BTF3L4: variants seen among roughly 807,000 people sequenced by gnomAD.
BTF3L4 encodes the protein transcription factor BTF3 homolog 4.
Under a neutral mutation model 16.8 loss-of-function variants are expected in BTF3L4, and 6 were observed. The observed-to-expected ratio is 0.36, with a 90% CI of 0.20 to 0.71. The LOEUF is 0.71. Ranked by LOEUF, BTF3L4 falls within the 30% of genes least tolerant of loss-of-function variation. The pLI, the probability that BTF3L4 is intolerant of heterozygous loss-of-function variation, is 0.58. For missense variants in BTF3L4, 92 were observed against 186.9 expected, an observed-to-expected ratio of 0.49 and a Z score of 2.96; for synonymous variants, 39 against 59.8, an observed-to-expected ratio of 0.65 and a Z score of 1.60.
intron 3 of BTF3L4, among the ~76,000 whole-genome samples, chr1:52,067,047 G>A (rs1249886096): frequency 6.6e-6 from 1 of 152,040 alleles, no homozygotes; most frequent in East Asian, 1.9e-4. Context: ...GACCAGCCTG[G>A]CCAACATGGT....
chr1:52,074,305 C>T (rs1380528474), intron 3 of BTF3L4, among the ~76,000 whole-genome samples: 3 of 151,860 alleles, frequency 2.0e-5, no homozygotes, highest in Non-Finnish European at 2.9e-5. Flanking sequence ...TCAAGCGATT[C>T]TCGTGCCTCA....
intron 3 of BTF3L4, among the ~76,000 whole-genome samples, chr1:52,082,158 A>G (rs1643929362): frequency 1.3e-5 from 2 of 152,216 alleles, no homozygotes; most frequent in Non-Finnish European, 2.9e-5. Flanking sequence ...TAACTTACAC[A>G]AATTCAACTC....
intron 3 of BTF3L4, among the ~76,000 whole-genome samples, chr1:52,071,721 G>A (rs1178068717): frequency 6.6e-6 from 1 of 152,134 alleles, no homozygotes; most frequent in East Asian, 1.9e-4. Flanking sequence ...TTCTGAACCA[G>A]TTGTACAGAA....
intron 3 of BTF3L4, among the ~76,000 whole-genome samples, chr1:52,081,613 A>C (rs918761524): frequency 1.7e-4 from 26 of 152,198 alleles, no homozygotes; most frequent in Admixed American, 2.0e-4. Flanking sequence ...CTTTTTAACA[A>C]AACTGTAATT....
intron 1 of BTF3L4, among the ~76,000 whole-genome samples, chr1:52,057,587 A>G (rs534315851): frequency 6.6e-6 from 1 of 152,362 alleles, no homozygotes; most frequent in South Asian, 2.1e-4. Context: ...GCAATAAAGT[A>G]GAGGTTGATT....
chr1:52,081,607 T>C (rs1643922998), intron 3 of BTF3L4, among the ~76,000 whole-genome samples: 1 of 152,232 alleles, frequency 6.6e-6, no homozygotes, highest in African/African-American at 2.4e-5. Context: ...ATTTAACTTT[T>C]TAACAAAACT....
At chr1:52,062,358 C>T (rs12126981) in intron 2 of BTF3L4, among the ~76,000 whole-genome samples, 82 of 151,804 alleles carry the variant, frequency 5.4e-4, no homozygotes, top group Non-Finnish European at 8.1e-4. Flanking sequence ...CGCGCCACCA[C>T]GCCTGGCTAA....
At chr1:52,084,328 A>G (rs1313698035) in intron 4 of BTF3L4, among the ~76,000 whole-genome samples, 1 of 152,050 alleles carries the variant, frequency 6.6e-6, no homozygotes, top group Non-Finnish European at 1.5e-5. Context: ...TTTTTAGTAT[A>G]CACAGGGTTT....
At chr1:52,059,004 A>G (rs1046798675) in intron 1 of BTF3L4, among the ~76,000 whole-genome samples, 3 of 152,192 alleles carry the variant, frequency 2.0e-5, no homozygotes, top group African/African-American at 7.2e-5. Flanking sequence ...GACTAGATTC[A>G]TGACTATAAT....
At chr1:52,064,746 T>C (rs1686603509) in intron 2 of BTF3L4, 79 bp from the exon 3 acceptor site, 1 of 734,698 alleles carries the variant, frequency 1.4e-6, no homozygotes, top group Non-Finnish European at 2.3e-6. Flanking sequence ...TTTTAGATTA[T>C]TGTGATACGT....
At chr1:52,062,804 G>A (rs971787661) in intron 2 of BTF3L4, among the ~76,000 whole-genome samples, 4 of 152,222 alleles carry the variant, frequency 2.6e-5, no homozygotes, top group Non-Finnish European at 4.4e-5. Flanking sequence ...GACTGGTTTC[G>A]TGGAAGACAG....
At chr1:52,062,402 A>C (rs189714225) in intron 2 of BTF3L4, among the ~76,000 whole-genome samples, 5 of 151,416 alleles carry the variant, frequency 3.3e-5, no homozygotes, top group African/African-American at 1.2e-4. Flanking sequence ...TGGTTTCACC[A>C]TGTTTGTCAG....
chr1:52,085,008 AAAAT>A (rs1362778446), intron 4 of BTF3L4, among the ~76,000 whole-genome samples: 1 of 143,260 alleles, frequency 7.0e-6, no homozygotes, highest in Non-Finnish European at 1.5e-5. Flanking sequence ...AGAAATGAAA[AAAAT>A]CTTTTTTTTT....
At position 52,087,139 on chromosome 1, in the gene BTF3L4, T is replaced by C. The variant is rs1558012177; in HGVS notation, c.*381T>C. On this transcript the variant is annotated 3_prime_UTR_variant, in exon 6 of 6. Transcript: ENST00000313334. ...TATCCTCCTCCCTCCCCAGTAGAAA[T>C]AAAAAAAATCTTTACATTTGTTACT... is the stretch of plus-strand genomic sequence containing the variant. 6.1e-6 allele frequency: 1 copy of C among 162,806 alleles called. No individual in the cohort carries two copies. The highest frequency in any genetic ancestry group is 1.3e-5 in the Non-Finnish European group (1 of 74,982). 10.1% of individuals were successfully genotyped at this position (162,806 alleles called of 1,614,324 possible). A position where few individuals can be genotyped will look rare whatever the true frequency, so the allele number is the denominator to read the frequency against.
At chr1:52,082,516 C>G (rs1643934190) in intron 3 of BTF3L4, among the ~76,000 whole-genome samples, 1 of 152,104 alleles carries the variant, frequency 6.6e-6, no homozygotes, top group Non-Finnish European at 1.5e-5. Context: ...GGGCAGATCA[C>G]CTGAGGTCAG....
At chr1:52,072,821 G>A (rs1686825010) in intron 3 of BTF3L4, among the ~76,000 whole-genome samples, 1 of 152,190 alleles carries the variant, frequency 6.6e-6, no homozygotes, top group African/African-American at 2.4e-5. Context: ...AGCACTTTGG[G>A]AGGCTGAGGT....
chr1:52,058,678 C>T (rs1341999037), intron 1 of BTF3L4, among the ~76,000 whole-genome samples: 3 of 151,938 alleles, frequency 2.0e-5, no homozygotes, highest in Non-Finnish European at 4.4e-5. Context: ...CTTGGCTCAC[C>T]GCAACCTCCG....
intron 3 of BTF3L4, among the ~76,000 whole-genome samples, chr1:52,080,659 G>A (rs995605764): frequency 6.8e-6 from 1 of 147,964 alleles, no homozygotes; most frequent in Non-Finnish European, 1.5e-5. Context: ...TCAGCCTCCT[G>A]AGTAGCTGGG....
rs554662650 is a variant in BTF3L4 at position 52,058,604 on chromosome 1, C to CT, written c.-13-1217dup. On this transcript the variant is annotated intron_variant, in intron 1 of 5. Transcript: ENST00000313334. ...AAGTAAAACAAGACTTTTAATTTGG[C>CT]TTTTTTTTTTTTTTGAGACGGAGTT... is the stretch of plus-strand genomic sequence containing the variant. Among the ~76,000 whole-genome samples, 269 of 141,246 alleles carry CT rather than the reference C, an allele frequency of 1.9e-3. 1 individual carries two copies. The highest frequency in any genetic ancestry group is 3.8e-3 in the South Asian group (17 of 4,448). The allele number at this position is 141,246 out of a possible 152,430, so 92.7% of individuals were successfully genotyped here. A position where few individuals can be genotyped will look rare whatever the true frequency, so the allele number is the denominator to read the frequency against.
Sources: gnomAD v4.1 joint callset for allele counts (sites outside exome capture counted in the v4.1 genomes callset) on GRCh38, gnomAD v4.1.1 for gene constraint, MANE v1.5 for transcripts, NCBI Gene and HGNC (gene_info 2026-07-23, HGNC 2026-07-21) for gene names.